The following MMP27 variants were observed in gnomAD, a reference collection of about 807,000 sequenced individuals.
The protein encoded by MMP27 is matrix metalloproteinase-27.
Under a neutral mutation model 48.1 loss-of-function variants are expected in MMP27, and 51 were observed. That is an observed-to-expected ratio of 1.06 (90% CI 0.85 to 1.34). The LOEUF (loss-of-function observed/expected upper bound fraction) is 1.34, where lower values mean the gene tolerates loss of function less well. MMP27 is among the 40% of genes most tolerant of loss of function. The pLI is 0.00. For missense variants in MMP27, 698 were observed against 619.3 expected (o/e 1.13, Z -1.35); for synonymous variants, 229 against 208.9 (o/e 1.10, Z -0.83).
intron 6 of MMP27, among the ~76,000 whole-genome samples, chr11:102,695,742 T>C (rs1860812817): frequency 6.6e-6 from 1 of 152,192 alleles, no homozygotes; most frequent in African/African-American, 2.4e-5. Flanking sequence ...CAATGGTGTA[T>C]GTCTTGGTAT....
In MMP27 at chr11:102,704,608, C is replaced by G; in HGVS notation, c.270G>C (p.Arg90Ser). 6.2e-7 allele frequency: 1 copy of G among 1,614,188 alleles called. No homozygotes were observed. Among genetic ancestry groups the G allele is most frequent in the Non-Finnish European group, 8.5e-7 (1 of 1,180,022 alleles). Residue 90 changes from arginine (R) to serine (S), a missense_variant, in exon 2 of 10, where the codon AGG (arginine) becomes AGC (serine). Arg to Ser is a moderately radical substitution (Grantham distance 110). Transcript: ENST00000260229. Reference protein sequence around the residue: ...SNTLEIMKTPRCGVPDVGQYG... With the variant: ...SNTLEIMKTPSCGVPDVGQYG... The stretch of plus-strand genomic sequence containing the variant: ...ACTGGCCCACATCAGGCACCCCACA[C>G]CTGGGTGTCTTCATGATCTCAAGGG...
In MMP27 at chr11:102,693,946, T is replaced by TG; in HGVS notation, c.1152dup (p.Thr385HisfsTer16). On this transcript the variant is annotated frameshift_variant, in exon 8 of 10. Coordinates refer to ENST00000260229, the MANE Select transcript of MMP27 (RefSeq NM_022122.3). LOFTEE classifies it high-confidence loss of function. The stretch of plus-strand genomic sequence containing the variant: ...CCCACAAAGAAGTAGGTTTTTCTTG[T>TG]GGTCTTATCACAGACGGCTGCATCT... 6.2e-7 allele frequency: 1 copy of TG among 1,609,252 alleles called. No homozygotes were observed. Among genetic ancestry groups the TG allele is most frequent in the Non-Finnish European group, 8.5e-7 (1 of 1,177,950 alleles).
chr11:102,704,787 G>T lies in MMP27; in HGVS notation c.103-12C>A. The T allele has an allele frequency of 3.6e-6, 5 of 1,377,018 alleles. No homozygotes were observed. The highest frequency in any genetic ancestry group is 2.5e-5 in the East Asian group (1 of 39,500). 85.3% of individuals were successfully genotyped at this position (1,377,018 alleles called of 1,614,324 possible). A position where few individuals can be genotyped will look rare whatever the true frequency, so the allele number is the denominator to read the frequency against. ...TGGTTGAGATATGCCTGACCAAAAA[G>T]ATAAGAAAAAAAAAAAAGAGGCACA... On this transcript the variant is annotated splice_polypyrimidine_tract_variant and intron_variant, in intron 1 of 9. Transcript: ENST00000260229.
chr11:102,691,930 T>C lies in MMP27; in HGVS notation c.1378A>G (p.Asn460Asp). The C allele has an allele frequency of 6.2e-7, 1 of 1,613,534 alleles. No individual in the cohort carries two copies. The highest frequency in any genetic ancestry group is 8.5e-7 in the Non-Finnish European group (1 of 1,179,750). ...GGTTCTTTGCATTGAAACCAAGTAT[T>C]AGTTCTCATGATTCGGGTAATATTC... ...TKNITRIMRTNTWFQCKEPKN... is the reference protein window; with the variant it reads ...TKNITRIMRTDTWFQCKEPKN... The change falls in exon 10 of 10, where the codon AAT becomes GAT. Residue 460 changes from asparagine (N) to aspartate (D), a missense_variant. Asn to Asp is a conservative substitution (Grantham distance 23). Coordinates refer to ENST00000260229, the MANE Select transcript of MMP27 (RefSeq NM_022122.3).
At chr11:102,693,793 TA>T (rs1591655991) in intron 8 of MMP27, 112 bp downstream of exon 8, 2 of 960,616 alleles carry the variant, frequency 2.1e-6, no homozygotes, top group East Asian at 3.0e-5. Context: ...TCAAAAAAAA[TA>T]AAAAAATAAA....
rs113965136 is a variant in MMP27 at position 102,698,653 on chromosome 11, T to C, written c.620-1818A>G. ...TTTTCAGCCTTATATTTTATTTTCA[T>C]ATTCTGCAAGCTAACTATGTTAAAT... On this transcript the variant is annotated intron_variant, in intron 4 of 9. Coordinates refer to ENST00000260229, the MANE Select transcript of MMP27 (RefSeq NM_022122.3). Among the ~76,000 whole-genome samples the C allele has an allele frequency of 7.4e-4, 113 of 152,302 alleles. 1 individual carries two copies. Among genetic ancestry groups the C allele is most frequent in the African/African-American group, 2.5e-3 (104 of 41,570 alleles).
intron 2 of MMP27, 105 bp from the exon 3 acceptor site, chr11:102,703,223 A>T (rs940625147): frequency 1.9e-6 from 2 of 1,066,360 alleles, no homozygotes; most frequent in African/African-American, 1.6e-5. Context: ...TGCTGCAGTA[A>T]CTTTGGTGTG....
Position 102,702,812 on chromosome 11 carries a change from G to A in MMP27, c.560C>T (p.Pro187Leu), listed in dbSNP as rs201848880. ...AAAATGAGTGTCACCACCCAGACCC[G>A]GACCAGGAGGAAAGGCATGGCCAAG... is the stretch of plus-strand genomic sequence containing the variant. ...GVLGHAFPPG[P>L]GLGGDTHFDE... The change falls in exon 4 of 10, where the codon CCG becomes CTG. Residue 187 changes from proline to leucine, a missense_variant. By Grantham distance (98) the Pro-to-Leu change is moderately conservative. Coordinates refer to ENST00000260229, the MANE Select transcript of MMP27 (RefSeq NM_022122.3). 9.3e-5 allele frequency: 150 copies of A among 1,613,762 alleles called. No individual in the cohort carries two copies. In the Middle Eastern group the frequency reaches 1.5e-3, roughly 16 times the overall value.
In MMP27 at chr11:102,703,000, C is replaced by T. The variant is rs1232948029; in HGVS notation, c.460G>A (p.Ala154Thr). 2 of 1,614,170 alleles carry T rather than the reference C, an allele frequency of 1.2e-6. No individual in the cohort carries two copies. The highest frequency in any genetic ancestry group is 1.7e-6 in the Non-Finnish European group (2 of 1,179,996). ...LKFTKISKGI[A>T]DIMIAFRTRV... is the part of the protein sequence containing the mutation. ...GTCCTAAAGGCAATCATGATGTCTG[C>T]AATCCCCTTTGAAATCTTGGTGAAT... Residue 154 changes from alanine to threonine, a missense_variant, in exon 3 of 10, where the codon GCA becomes ACA. By Grantham distance (58) the Ala-to-Thr change is moderately conservative (BLOSUM62 0). Transcript: ENST00000260229.
Position 102,703,061 on chromosome 11 carries a change from T to C in MMP27, c.399A>G (p.Glu133=), listed in dbSNP as rs762265317. The change falls in exon 3 of 10, where the codon GAA becomes GAG. Residue 133 remains glutamate (E), a synonymous_variant. Coordinates refer to ENST00000260229, the MANE Select transcript of MMP27 (RefSeq NM_022122.3). ...ARAAVDEAIQ[E]GLEVWSKVTP... Reference sequence around the variant, plus strand: ...TGACTTTGCTCCACACTTCTAAACCTTCTTGGATAGCCTCATCCACAGCAG... The same window carrying C: ...TGACTTTGCTCCACACTTCTAAACCCTCTTGGATAGCCTCATCCACAGCAG... The C allele has an allele frequency of 1.2e-6, 2 of 1,614,078 alleles. No homozygotes were observed. The highest frequency in any genetic ancestry group is 1.7e-6 in the Non-Finnish European group (2 of 1,180,024).
chr11:102,702,050 G>C (rs558917511), intron 4 of MMP27, among the ~76,000 whole-genome samples: 1 of 152,264 alleles, frequency 6.6e-6, no homozygotes, highest in Admixed American at 6.5e-5. Flanking sequence ...TTTTCTTTGA[G>C]GCCTACATTG....
rs530882427 is a variant in MMP27, at chr11:102,696,304, T to C, written c.902+67A>G. The C allele has an allele frequency of 5.9e-5, 92 of 1,566,592 alleles. 1 individual carries two copies. In the East Asian group the frequency reaches 7.9e-4, roughly 13 times the overall value. On this transcript the variant is annotated intron_variant, in intron 6 of 9. Transcript: ENST00000260229. ...TTCACTAGCCCCATGACTACCTCTT[T>C]ATCCTCAAATCTCTTGAAAAGAAAA...
intron 4 of MMP27, among the ~76,000 whole-genome samples, chr11:102,702,009 T>G (rs976839013): frequency 5.9e-5 from 9 of 152,190 alleles, no homozygotes; most frequent in African/African-American, 2.2e-4. Flanking sequence ...AACAAAAGAA[T>G]GGGGGACCCA....
Position 102,693,954 on chromosome 11 carries a change from T to C in MMP27, c.1145A>G (p.Asp382Gly). 2 of 1,611,732 alleles carry C rather than the reference T, an allele frequency of 1.2e-6. No individual in the cohort carries two copies. Among genetic ancestry groups the C allele is most frequent in the African/African-American group, 1.3e-5 (1 of 74,940 alleles). The change falls in exon 8 of 10, where the codon GAT becomes GGT. Residue 382 changes from aspartate (D) to glycine (G), a missense_variant. Asp to Gly is a moderately conservative substitution (Grantham distance 94, BLOSUM62 -1). Coordinates refer to ENST00000260229, the MANE Select transcript of MMP27 (RefSeq NM_022122.3). The part of the protein sequence containing the change: ...RVKKIDAAVC[D>G]KTTRKTYFFV... ...GAAGTAGGTTTTTCTTGTGGTCTTA[T>C]CACAGACGGCTGCATCTATTTTCTT...
chr11:102,691,812 AT>A lies in MMP27; in HGVS notation c.1495del (p.Ile499PhefsTer8), dbSNP rs1860728749. ...ILYHKSLSLF[I>X]FGIVHLLKNT... The stretch of plus-strand genomic sequence containing the variant: ...TTTCAGCAAATGAACAATACCAAAA[AT>A]AAACAAGCTTAAACTCTTATGATAC... On this transcript the variant is annotated frameshift_variant, in exon 10 of 10. Coordinates refer to ENST00000260229, the MANE Select transcript of MMP27 (RefSeq NM_022122.3). LOFTEE classifies it high-confidence loss of function. 6.2e-7 allele frequency: 1 copy of A among 1,609,594 alleles called. No homozygotes were observed. The highest frequency in any genetic ancestry group is 8.5e-7 in the Non-Finnish European group (1 of 1,177,460).
chr11:102,694,110 G>T, intron 7 of MMP27, 45 bp from the exon 8 acceptor site: 2 of 1,399,698 alleles, frequency 1.4e-6, no homozygotes, highest in Non-Finnish European at 1.9e-6. Flanking sequence ...GGGAGAAATA[G>T]GTATCTCAAG....
chr11:102,693,114 T>G, intron 8 of MMP27, 73 bp from the exon 9 acceptor site: 8 of 1,153,978 alleles, frequency 6.9e-6, no homozygotes, highest in Non-Finnish European at 1.0e-5. Flanking sequence ...CCGCACAACT[T>G]AGAGTCAAGC....
At chr11:102,700,267 G>C (rs578169665) in intron 4 of MMP27, among the ~76,000 whole-genome samples, 26 of 152,294 alleles carry the variant, frequency 1.7e-4, no homozygotes, top group African/African-American at 6.3e-4. Context: ...TGACGCTGTA[G>C]GTAAAAGATG....
chr11:102,695,760 T>A (rs1860813102), intron 6 of MMP27, among the ~76,000 whole-genome samples: 1 of 152,212 alleles, frequency 6.6e-6, no homozygotes, highest in South Asian at 2.1e-4. Flanking sequence ...TATTTTGCTA[T>A]AAAAATATGG....
Sources: allele counts gnomAD v4.1 joint callset (sites outside exome capture counted in the v4.1 genomes callset), GRCh38; gene constraint gnomAD v4.1.1; transcripts MANE v1.5; gene names NCBI Gene and HGNC (gene_info 2026-07-23, HGNC 2026-07-21).